The following MAGI2 variants were observed in gnomAD, a reference collection of about 807,000 sequenced individuals.
MAGI2 encodes the protein membrane-associated guanylate kinase, WW and PDZ domain-containing protein 2.
In MAGI2, 35 loss-of-function variants were observed where a neutral mutation model predicts 133.3. That is an observed-to-expected ratio of 0.26 (90% CI 0.20 to 0.35). The LOEUF is 0.35. MAGI2 is among the 10% of genes least tolerant of loss of function. The pLI is 1.00. For synonymous variants in MAGI2, 729 were observed against 710.6 expected (o/e 1.03, Z -0.41); for missense variants, 1,636 against 1,863.4 (o/e 0.88, Z 2.25).
chr7:78,970,883 CCTTT>C (rs1204305634), intron 2 of MAGI2, among the ~76,000 whole-genome samples: 1 of 152,006 alleles, frequency 6.6e-6, no homozygotes, highest in Non-Finnish European at 1.5e-5. Context: ...TTCCTAAATC[CCTTT>C]CTAACACTGT....
At chr7:78,258,684 G>A (rs563865735) in intron 9 of MAGI2, among the ~76,000 whole-genome samples, 2 of 151,956 alleles carry the variant, frequency 1.3e-5, no homozygotes, top group Non-Finnish European at 2.9e-5. Context: ...TAAGCCTTTT[G>A]TAAATGGTAT....
At chr7:78,754,416 AAGTT>A (rs1299055877) in intron 2 of MAGI2, among the ~76,000 whole-genome samples, 32 of 151,778 alleles carry the variant, frequency 2.1e-4, no homozygotes, top group Admixed American at 5.9e-4. Flanking sequence ...TAAATGCTGA[AAGTT>A]AGTAACAAAA....
At chr7:79,017,722 G>C (rs150049710) in intron 1 of MAGI2, among the ~76,000 whole-genome samples, 1 of 152,158 alleles carries the variant, frequency 6.6e-6, no homozygotes, top group Non-Finnish European at 1.5e-5. Context: ...TAGACAAAAT[G>C]GACATTATAT....
intron 1 of MAGI2, among the ~76,000 whole-genome samples, chr7:79,297,673 A>C (rs1204182978): frequency 6.6e-6 from 1 of 152,240 alleles, no homozygotes; most frequent in African/African-American, 2.4e-5. Context: ...TGAATAATAT[A>C]AATCCAGAGA....
At chr7:79,292,503 G>A (rs1196009064) in intron 1 of MAGI2, among the ~76,000 whole-genome samples, 1 of 151,602 alleles carries the variant, frequency 6.6e-6, no homozygotes, top group Non-Finnish European at 1.5e-5. Flanking sequence ...CTGGTGGCAT[G>A]TGCCTGTAAT....
intron 2 of MAGI2, among the ~76,000 whole-genome samples, chr7:78,990,905 TACACACACACACACACAC>T (rs140828645): frequency 2.1e-5 from 3 of 141,494 alleles, no homozygotes; most frequent in East Asian, 2.2e-4. Flanking sequence ...TATATGTACA[TACACACACACACACACAC>T]ACACACACAC....
intron 1 of MAGI2, among the ~76,000 whole-genome samples, chr7:79,278,275 T>A (rs552920547): frequency 1.3e-5 from 2 of 152,250 alleles, no homozygotes; most frequent in East Asian, 3.9e-4. Context: ...TAGTAAAAGC[T>A]CCCTGAGGCT....
At chr7:78,450,654 C>CA (rs1788627937) in intron 6 of MAGI2, among the ~76,000 whole-genome samples, 1 of 132,942 alleles carries the variant, frequency 7.5e-6, no homozygotes, top group African/African-American at 2.8e-5. Flanking sequence ...TCTCTGCTTA[C>CA]TTTTTTTTCT....
In MAGI2 at chr7:79,303,027, CAG is replaced by C. The variant is rs1837503779; in HGVS notation, c.301+149991_301+149992del. ...TATAAAAATATTTCTAATATTTCTT[CAG>C]AGTCCATTAAATCCCAAACTTAGCA... is the stretch of plus-strand genomic sequence containing the variant. On this transcript the variant is annotated intron_variant, in intron 1 of 21. Transcript: ENST00000354212. 2.0e-5 allele frequency among the ~76,000 whole-genome samples: 3 copies of C among 152,122 alleles called. No individual in the cohort carries two copies. In the South Asian group the frequency reaches 6.2e-4, roughly 32 times the overall value.
intron 1 of MAGI2, among the ~76,000 whole-genome samples, chr7:79,101,983 T>C (rs547936955): frequency 6.6e-6 from 1 of 151,988 alleles, no homozygotes; most frequent in Non-Finnish European, 1.5e-5. Flanking sequence ...ATGGCATGTG[T>C]TTTTGCTTTA....
chr7:78,978,520 C>T (rs903998032), intron 2 of MAGI2, among the ~76,000 whole-genome samples: 4 of 151,692 alleles, frequency 2.6e-5, no homozygotes, highest in Non-Finnish European at 5.9e-5. Flanking sequence ...AGGTGAAACG[C>T]AGGAAGAGTT....
chr7:79,037,306 A>T (rs1811215738), intron 1 of MAGI2, among the ~76,000 whole-genome samples: 1 of 152,134 alleles, frequency 6.6e-6, no homozygotes, highest in African/African-American at 2.4e-5. Context: ...GGCCCTTATG[A>T]CCATAATTAT....
intron 2 of MAGI2, among the ~76,000 whole-genome samples, chr7:78,678,938 C>A (rs1164965648): frequency 6.6e-6 from 1 of 152,162 alleles, no homozygotes; most frequent in Non-Finnish European, 1.5e-5. Context: ...CCCTCTCCTT[C>A]TCACCAAGTC....
At chr7:78,829,120 A>G (rs2151439098) in intron 2 of MAGI2, among the ~76,000 whole-genome samples, 1 of 152,270 alleles carries the variant, frequency 6.6e-6, no homozygotes, top group East Asian at 1.9e-4. Context: ...TTTTGATAGC[A>G]ATTAAACCTG....
chr7:78,420,901 G>C (rs1798733917), intron 6 of MAGI2, among the ~76,000 whole-genome samples: 1 of 152,110 alleles, frequency 6.6e-6, no homozygotes, highest in Non-Finnish European at 1.5e-5. Context: ...GGAATAAAAA[G>C]GATTAGAAAA....
chr7:79,144,300 T>TA (rs1340246691), intron 1 of MAGI2, among the ~76,000 whole-genome samples: 3 of 152,198 alleles, frequency 2.0e-5, no homozygotes. Context: ...CGTGGAATTG[T>TA]AATCCCCAGT....
intron 2 of MAGI2, among the ~76,000 whole-genome samples, chr7:78,804,474 C>T (rs1005340087): frequency 1.3e-5 from 2 of 151,496 alleles, no homozygotes; most frequent in Non-Finnish European, 2.9e-5. Flanking sequence ...TTGGGCCAGG[C>T]ACGGTGGCTC....
intron 16 of MAGI2, among the ~76,000 whole-genome samples, chr7:78,150,536 T>TAGA (rs1823770099): frequency 6.6e-6 from 1 of 152,196 alleles, no homozygotes; most frequent in Non-Finnish European, 1.5e-5. Context: ...CCTGCATTGG[T>TAGA]AGAGGATCAT....
chr7:79,371,016 G>T (rs1346269275), intron 1 of MAGI2, among the ~76,000 whole-genome samples: 3 of 151,498 alleles, frequency 2.0e-5, no homozygotes, highest in African/African-American at 7.3e-5. Context: ...ACTGGAGTAA[G>T]AAATAAAAAA....
Sources: allele counts gnomAD v4.1 joint callset (sites outside exome capture counted in the v4.1 genomes callset), GRCh38; gene constraint gnomAD v4.1.1; transcripts MANE v1.5; gene names NCBI Gene and HGNC (gene_info 2026-07-23, HGNC 2026-07-21).